The following DENND2A variants were observed in gnomAD, a reference collection of about 807,000 sequenced individuals.
The protein encoded by DENND2A is DENN domain containing 2A.
DENND2A carries 53 observed loss-of-function variants against 105.3 expected under a neutral mutation model. That is an observed-to-expected ratio of 0.50 (90% CI 0.40 to 0.63). The LOEUF (loss-of-function observed/expected upper bound fraction) is 0.63. Among genes scored for constraint, DENND2A ranks in the 30% least tolerant of loss-of-function variants. The probability of loss-of-function intolerance (pLI) is 0.00; values close to 1 mark genes in which losing one functional copy is unlikely to be tolerated. For missense variants in DENND2A, 1,138 were observed against 1,279.6 expected (o/e 0.89, Z 1.69); for synonymous variants, 522 against 508.4 (o/e 1.03, Z -0.36).
intron 3 of DENND2A, among the ~76,000 whole-genome samples, chr7:140,595,402 T>G (rs1339783095): frequency 6.6e-6 from 1 of 152,156 alleles, no homozygotes; most frequent in East Asian, 1.9e-4. Flanking sequence ...AGCAGCTGTA[T>G]TATTGAGTTA....
At chr7:140,565,163 G>A (rs1797790608) in intron 9 of DENND2A, among the ~76,000 whole-genome samples, 1 of 152,160 alleles carries the variant, frequency 6.6e-6, no homozygotes, top group Non-Finnish European at 1.5e-5. Context: ...GAGGCCTGGG[G>A]ACAGCAGGAT....
intron 19 of DENND2A, among the ~76,000 whole-genome samples, 168 bp from the exon 20 acceptor site, chr7:140,518,906 T>A (rs1242216144): frequency 6.6e-6 from 1 of 152,140 alleles, no homozygotes; most frequent in Non-Finnish European, 1.5e-5. Context: ...TTTCCAGAGA[T>A]CCCCGTGGGG....
chr7:140,575,951 A>G (rs1410304200), intron 5 of DENND2A, among the ~76,000 whole-genome samples: 1 of 150,686 alleles, frequency 6.6e-6, no homozygotes, highest in East Asian at 1.9e-4. Context: ...CCTAGGCAAC[A>G]GAGCAAGACT....
chr7:140,557,713 T>C (rs1339871813), intron 11 of DENND2A, among the ~76,000 whole-genome samples: 2 of 147,062 alleles, frequency 1.4e-5, no homozygotes, highest in Admixed American at 1.4e-4. Context: ...CTAATTTTTG[T>C]ATTTTTAGTA....
chr7:140,612,444 A>G (rs1038480913), intron 1 of DENND2A, among the ~76,000 whole-genome samples: 7 of 152,118 alleles, frequency 4.6e-5, no homozygotes, highest in African/African-American at 1.7e-4. Context: ...TTAGCTCTGA[A>G]GCATAAGTAA....
chr7:140,637,337 G>C (rs1563193573), intron 1 of DENND2A, among the ~76,000 whole-genome samples: 1 of 152,224 alleles, frequency 6.6e-6, no homozygotes, highest in African/African-American at 2.4e-5. Context: ...TAGTTGGCAA[G>C]AAATAGTTTA....
intron 11 of DENND2A, among the ~76,000 whole-genome samples, chr7:140,557,566 G>C (rs1287827292): frequency 1.5e-5 from 1 of 65,950 alleles, no homozygotes. Context: ...TTGAGACGGA[G>C]TTTCGCTCTG....
chr7:140,621,064 C>T (rs1800272372), intron 1 of DENND2A, among the ~76,000 whole-genome samples: 1 of 152,218 alleles, frequency 6.6e-6, no homozygotes, highest in African/African-American at 2.4e-5. Flanking sequence ...AGGTCTCGCT[C>T]TGTCGCCAGG....
intron 1 of DENND2A, among the ~76,000 whole-genome samples, chr7:140,617,415 A>C (rs1800122697): frequency 6.6e-6 from 1 of 152,200 alleles, no homozygotes; most frequent in South Asian, 2.1e-4. Context: ...TCAGTCATTG[A>C]CAATAATACT....
chr7:140,584,096 G>A (rs1798673157), intron 5 of DENND2A, among the ~76,000 whole-genome samples: 1 of 148,230 alleles, frequency 6.7e-6, no homozygotes, highest in South Asian at 2.1e-4. Flanking sequence ...ACAAAAATTA[G>A]CCAGGCGTGG....
At position 140,523,275 on chromosome 7, in the gene DENND2A, A is replaced by C; in HGVS notation, c.2665+32T>G. On this transcript the variant is annotated intron_variant, in intron 17 of 19. Transcript: ENST00000496613. The surrounding 1 kb of genome is among the most constrained non-coding windows in gnomAD (Gnocchi z 4.5). ...TTCCCTGACCCTCAGAGTGGAAGGG[A>C]GAGACCCACTGGGAGGTGGCTGAAC... The C allele has an allele frequency of 3.1e-6, 5 of 1,602,388 alleles. No homozygotes were observed. Among genetic ancestry groups the C allele is most frequent in the Non-Finnish European group, 4.3e-6 (5 of 1,169,398 alleles).
intron 3 of DENND2A, among the ~76,000 whole-genome samples, chr7:140,590,073 C>T (rs958406044): frequency 6.6e-6 from 1 of 152,116 alleles, no homozygotes; most frequent in Admixed American, 6.6e-5. Context: ...CAAATCTCAG[C>T]GGATGACTCG....
At chr7:140,595,586 T>C (rs949907357) in intron 3 of DENND2A, among the ~76,000 whole-genome samples, 2 of 151,914 alleles carry the variant, frequency 1.3e-5, no homozygotes, top group Non-Finnish European at 2.9e-5. Context: ...CTGGGCAACA[T>C]AGCAAAACCC....
chr7:140,558,784 C>G lies in DENND2A; in HGVS notation c.1890-572G>C, dbSNP rs117335010. ...CAAAATGTGGTGCTTTGTTTCCATC[C>G]TGGGCTATCCTGTCATTTTCTCTTT... On this transcript the variant is annotated intron_variant, in intron 10 of 19. Transcript: ENST00000496613. Among the ~76,000 whole-genome samples, 205 of 145,246 alleles carry G rather than the reference C, an allele frequency of 1.4e-3. 4 individuals are homozygous for G. The East Asian group carries it at 0.038, about 27-fold the overall frequency.
At chr7:140,593,627 G>T (rs1384029577) in intron 3 of DENND2A, among the ~76,000 whole-genome samples, 1 of 152,122 alleles carries the variant, frequency 6.6e-6, no homozygotes, top group African/African-American at 2.4e-5. Flanking sequence ...CCAACTCCTT[G>T]CCCAGTGTTG....
At chr7:140,554,406 G>A (rs745359705) in intron 12 of DENND2A, among the ~76,000 whole-genome samples, 2 of 152,098 alleles carry the variant, frequency 1.3e-5, no homozygotes, top group African/African-American at 2.4e-5. Context: ...TTGGGAGGCC[G>A]AGGTGGGTGG....
At chr7:140,593,063 C>T (rs1799128371) in intron 3 of DENND2A, among the ~76,000 whole-genome samples, 2 of 152,140 alleles carry the variant, frequency 1.3e-5, no homozygotes, top group African/African-American at 4.8e-5. Context: ...TTTTTTTTAA[C>T]TTGAAAGTTT....
At chr7:140,562,583 A>T (rs1268480568) in intron 9 of DENND2A, among the ~76,000 whole-genome samples, 1 of 152,120 alleles carries the variant, frequency 6.6e-6, no homozygotes, top group African/African-American at 2.4e-5. Context: ...AATGGCGTGA[A>T]TCCGGGAGGC....
At chr7:140,541,720 G>A (rs1328940715) in intron 14 of DENND2A, among the ~76,000 whole-genome samples, 1 of 152,194 alleles carries the variant, frequency 6.6e-6, no homozygotes, top group Admixed American at 6.5e-5. Context: ...AGCACCAGCT[G>A]CAAGGCTTAC....
Sources: allele counts gnomAD v4.1 joint callset (sites outside exome capture counted in the v4.1 genomes callset), GRCh38; gene constraint gnomAD v4.1.1; non-coding constraint Gnocchi (gnomAD v3.1); transcripts MANE v1.5; gene names NCBI Gene and HGNC (gene_info 2026-07-23, HGNC 2026-07-21).